MGST2: variants seen among roughly 807,000 people sequenced by gnomAD.
MGST2 encodes microsomal glutathione S-transferase 2.
MGST2 carries 9 observed loss-of-function variants against 16.6 expected under a neutral mutation model. That is an observed-to-expected ratio of 0.54 (90% CI 0.33 to 0.95). The LOEUF (loss-of-function observed/expected upper bound fraction) is 0.95, where lower values mean the gene tolerates loss of function less well. Ranked by LOEUF, MGST2 falls within the 40% of genes least tolerant of loss-of-function variation. The pLI, the probability that MGST2 is intolerant of heterozygous loss-of-function variation, is 0.03. For synonymous variants in MGST2, 79 were observed against 68.0 expected (o/e 1.16, Z -0.79); for missense variants, 159 against 175.1 (o/e 0.91, Z 0.52).
rs1727902237 is a variant in MGST2, at chr4:139,715,239, C to A, written c.*48+11043C>A. Among the ~76,000 whole-genome samples, 1 of 152,200 alleles carries A rather than the reference C, an allele frequency of 6.6e-6. No homozygotes were observed. Among genetic ancestry groups the A allele is most frequent in the Non-Finnish European group, 1.5e-5 (1 of 68,038 alleles). On this transcript the variant is annotated intron_variant, in intron 5 of 5. Coordinates refer to the MGST2 transcript ENST00000616265. The surrounding 1 kb of genome is among the most constrained non-coding windows in gnomAD (Gnocchi z 4.4). Reference sequence around the variant, plus strand: ...CTTTACCCAGGTACCCCACCACTTACCCAAAGTCTTCCAATCAGTGCTGCA... The same window carrying A: ...CTTTACCCAGGTACCCCACCACTTAACCAAAGTCTTCCAATCAGTGCTGCA...
intron 2 of MGST2, chr4:139,687,883 C>T (rs533106129): frequency 6.6e-5 from 10 of 152,234 alleles, no homozygotes; most frequent in South Asian, 6.2e-4. Context: ...AGAGTCTTGC[C>T]GTCTTTTGCC....
chr4:139,699,478 T>C (rs558245321), intron 3 of MGST2, among the ~76,000 whole-genome samples: 71 of 152,362 alleles, frequency 4.7e-4, no homozygotes, highest in African/African-American at 1.5e-3. Flanking sequence ...TTTTGTGCAT[T>C]TGTGACAGAC....
chr4:139,710,957 G>C (rs1311834796), intron 5 of MGST2, among the ~76,000 whole-genome samples: 1 of 151,902 alleles, frequency 6.6e-6, no homozygotes, highest in African/African-American at 2.4e-5. Context: ...AAGAGAGTGG[G>C]GGTAACAGGA....
downstream of MGST2, among the ~76,000 whole-genome samples, chr4:139,741,406 T>C (rs1437978034): frequency 6.6e-6 from 1 of 152,168 alleles, no homozygotes; most frequent in Non-Finnish European, 1.5e-5. Context: ...ACATATATAG[T>C]CACTGAGAAA....
At chr4:139,695,313 G>T (rs754299547) in intron 3 of MGST2, 46 bp downstream of exon 3, 181 of 1,451,584 alleles carry the variant, frequency 1.2e-4, no homozygotes, top group Non-Finnish European at 1.7e-4. Flanking sequence ...TGACTGTGAT[G>T]CTTAAACGAT....
intron 2 of MGST2, among the ~76,000 whole-genome samples, chr4:139,683,574 G>T (rs1445583025): frequency 6.6e-6 from 1 of 151,984 alleles, no homozygotes; most frequent in East Asian, 1.9e-4. Context: ...AAGTAGAGAG[G>T]CAGCTGGATA....
At chr4:139,701,069 C>T (rs1011630946) in intron 3 of MGST2, among the ~76,000 whole-genome samples, 4 of 152,168 alleles carry the variant, frequency 2.6e-5, no homozygotes, top group African/African-American at 7.2e-5. Context: ...ACCGCTGTTC[C>T]TTGTCACGTA....
intron 5 of MGST2, chr4:139,720,420 T>C: frequency 8.8e-7 from 1 of 1,134,756 alleles, no homozygotes; most frequent in Non-Finnish European, 1.2e-6. Context: ...ACAAAATTCC[T>C]TTATATGAAA....
At chr4:139,675,703 G>T (rs1469517115) in intron 1 of MGST2, among the ~76,000 whole-genome samples, 1 of 152,234 alleles carries the variant, frequency 6.6e-6, no homozygotes, top group African/African-American at 2.4e-5. Context: ...GGCTGCCTCA[G>T]CGAGAGGACT....
At chr4:139,679,359 CT>C (rs1375101145) in intron 2 of MGST2, among the ~76,000 whole-genome samples, 1 of 152,210 alleles carries the variant, frequency 6.6e-6, no homozygotes, top group Non-Finnish European at 1.5e-5. Context: ...TTGGCCTACA[CT>C]TTGCCTTTCT....
chr4:139,720,960 G>C (rs1728209281), intron 5 of MGST2, among the ~76,000 whole-genome samples: 1 of 152,222 alleles, frequency 6.6e-6, no homozygotes, highest in Non-Finnish European at 1.5e-5. Context: ...TATTTTGACA[G>C]ATAGGACATT....
At chr4:139,727,925 C>T (rs1560771669) in intron 5 of MGST2, among the ~76,000 whole-genome samples, 1 of 152,144 alleles carries the variant, frequency 6.6e-6, no homozygotes, top group African/African-American at 2.4e-5. Context: ...AAACGAAAAA[C>T]TGAGAGCTGG....
chr4:139,677,376 G>A (rs1731015018), intron 1 of MGST2, among the ~76,000 whole-genome samples: 1 of 152,212 alleles, frequency 6.6e-6, no homozygotes, highest in African/African-American at 2.4e-5. Flanking sequence ...TTTGGTCTAG[G>A]TAAGGCAGGA....
At chr4:139,724,094 T>C (rs561342341) in intron 5 of MGST2, among the ~76,000 whole-genome samples, 25 of 152,366 alleles carry the variant, frequency 1.6e-4, no homozygotes, top group African/African-American at 5.5e-4. Flanking sequence ...CCACTGGCAC[T>C]GATTTAGTGC....
At chr4:139,726,141 C>T (rs1472141187) in intron 5 of MGST2, among the ~76,000 whole-genome samples, 1 of 152,200 alleles carries the variant, frequency 6.6e-6, no homozygotes, top group Non-Finnish European at 1.5e-5. Context: ...CTTTTAACAA[C>T]ATAGAGCAGT....
downstream of MGST2, among the ~76,000 whole-genome samples, chr4:139,707,880 T>C (rs1177203224): frequency 6.6e-6 from 1 of 152,054 alleles, no homozygotes; most frequent in Non-Finnish European, 1.5e-5. Context: ...GTTCATGTCC[T>C]TCGCCCACTT....
intron 5 of MGST2, among the ~76,000 whole-genome samples, chr4:139,710,627 A>G (rs570965941): frequency 5.3e-5 from 8 of 152,264 alleles, no homozygotes; most frequent in East Asian, 1.9e-4. Flanking sequence ...ACAAAGCCCA[A>G]TGCCATGCTG....
chr4:139,704,597 A>C (rs1727445249), downstream of MGST2, among the ~76,000 whole-genome samples: 1 of 152,240 alleles, frequency 6.6e-6, no homozygotes, highest in South Asian at 2.1e-4. Context: ...TAGCCAGAGA[A>C]GGGAGTCATC....
chr4:139,706,359 G>C (rs1274082490), downstream of MGST2, among the ~76,000 whole-genome samples: 2 of 152,174 alleles, frequency 1.3e-5, no homozygotes, highest in South Asian at 4.1e-4. Context: ...TGCTGGCTGT[G>C]CTACCCCAGC....
Sources: allele counts gnomAD v4.1 joint callset (sites outside exome capture counted in the v4.1 genomes callset), GRCh38; gene constraint gnomAD v4.1.1; non-coding constraint Gnocchi (gnomAD v3.1); transcripts MANE v1.5; gene names NCBI Gene and HGNC (gene_info 2026-07-23, HGNC 2026-07-21).